Variants in IQCK observed in about 807,000 individuals in gnomAD.
IQCK encodes IQ domain-containing protein K.
Under a neutral mutation model 28.1 loss-of-function variants are expected in IQCK, and 29 were observed. That is an observed-to-expected ratio of 1.03 (90% CI 0.77 to 1.41). The LOEUF (loss-of-function observed/expected upper bound fraction) is 1.41, where lower values mean the gene tolerates loss of function less well. IQCK is among the 40% of genes most tolerant of loss of function. The pLI is 0.00. For synonymous variants in IQCK, 113 were observed against 115.1 expected, an observed-to-expected ratio of 0.98 and a Z score of 0.12; for missense variants, 359 against 314.7, an observed-to-expected ratio of 1.14 and a Z score of -1.07.
intron 4 of IQCK, among the ~76,000 whole-genome samples, chr16:19,759,315 T>G (rs2055100994): frequency 6.6e-6 from 1 of 152,274 alleles, no homozygotes; most frequent in Non-Finnish European, 1.5e-5. Flanking sequence ...TTCAAGCGAT[T>G]CTCCTCTCTC....
intron 9 of IQCK, among the ~76,000 whole-genome samples, chr16:19,847,648 G>A (rs531646139): frequency 6.6e-6 from 1 of 152,294 alleles, no homozygotes; most frequent in South Asian, 2.1e-4. Context: ...AACTTGTTGA[G>A]GGGTAGCACT....
At chr16:19,749,271 A>G (rs1421333605) in intron 4 of IQCK, among the ~76,000 whole-genome samples, 1 of 152,250 alleles carries the variant, frequency 6.6e-6, no homozygotes, top group Non-Finnish European at 1.5e-5. Context: ...AGGAAAGATC[A>G]TCTGTCAGTT....
chr16:19,828,526 C>T (rs2056182735), downstream of IQCK, among the ~76,000 whole-genome samples: 5 of 151,740 alleles, frequency 3.3e-5, no homozygotes, highest in Admixed American at 2.0e-4. Context: ...GCATGAGCCA[C>T]CGTGCCCAAC....
Position 19,779,649 on chromosome 16 carries a change from G to A in IQCK, c.606-9189G>A, listed in dbSNP as rs186530211. Among the ~76,000 whole-genome samples the A allele has an allele frequency of 3.2e-3, 483 of 151,244 alleles. 2 individuals carry two copies. Among genetic ancestry groups the A allele is most frequent in the African/African-American group, 0.011 (463 of 41,224 alleles). On this transcript the variant is annotated intron_variant, in intron 6 of 7. Transcript: ENST00000564186. ...TTTAGATCATCTCATTTCACCATTAGGATTTATCCTCGTTATTTTTTTAAA... is the reference window on the plus strand; with the variant it reads ...TTTAGATCATCTCATTTCACCATTAAGATTTATCCTCGTTATTTTTTTAAA...
rs774760191 is a variant in IQCK, at chr16:19,741,747, GA to G, written c.474+6298del. ...CATGCCTGTAATCCCACCACTTAGA[GA>G]GGCCGAGGCGGGAGGATTGCTTGAA... On this transcript the variant is annotated intron_variant, in intron 4 of 7. Coordinates refer to ENST00000564186, the Ensembl canonical transcript of IQCK. Among the ~76,000 whole-genome samples, 11 of 150,792 alleles carry G rather than the reference GA, an allele frequency of 7.3e-5. 1 individual carries two copies. The highest frequency in any genetic ancestry group is 4.4e-5 in the Non-Finnish European group (3 of 68,036).
intron 7 of IQCK, among the ~76,000 whole-genome samples, chr16:19,799,599 C>T (rs80123650): frequency 0.11 from 2,276 of 20,448 alleles, 86 homozygotes; most frequent in African/African-American, 0.16. Context: ...TATATATATA[C>T]ACACACACAC....
At chr16:19,854,984 A>G (rs2056537797) in intron 9 of IQCK, among the ~76,000 whole-genome samples, 1 of 152,220 alleles carries the variant, frequency 6.6e-6, no homozygotes. Context: ...CAAGTATTAA[A>G]AATATTTTTT....
intron 3 of IQCK, 94 bp from the exon 4 acceptor site, chr16:19,735,259 C>A: frequency 1.2e-6 from 1 of 821,666 alleles, no homozygotes; most frequent in Non-Finnish European, 2.1e-6. Context: ...ATTGAATGGA[C>A]AGTACCTTTT....
At chr16:19,740,359 C>T (rs2054816571) in intron 4 of IQCK, among the ~76,000 whole-genome samples, 1 of 152,036 alleles carries the variant, frequency 6.6e-6, no homozygotes, top group African/African-American at 2.4e-5. Flanking sequence ...TGGTAGGTAT[C>T]CCGTGGTGTT....
chr16:19,799,463 G>A (rs1298818943), intron 7 of IQCK, among the ~76,000 whole-genome samples: 1 of 86,350 alleles, frequency 1.2e-5, no homozygotes, highest in Non-Finnish European at 1.9e-5. Flanking sequence ...TAGAGACAGG[G>A]TTTCACCATG....
rs555275600 is a variant in IQCK at position 19,842,643 on chromosome 16, T to G, written c.803-13844T>G. On this transcript the variant is annotated intron_variant, in intron 9 of 9. Coordinates refer to the IQCK transcript ENST00000320394. ...CTTCCCTTGAAAATGGTTTGCTTCT[T>G]CCCTGACTTTCCCTTTGTGCCTTGT... 3.9e-5 allele frequency among the ~76,000 whole-genome samples: 6 copies of G among 152,332 alleles called. No individual in the cohort carries two copies. In the South Asian group the frequency reaches 8.3e-4, roughly 21 times the overall value.
chr16:19,833,775 A>T (rs978952553), intron 9 of IQCK, among the ~76,000 whole-genome samples: 5 of 152,148 alleles, frequency 3.3e-5, no homozygotes, highest in Admixed American at 6.5e-5. Context: ...TGAACACCTC[A>T]TCTTACCGCC....
chr16:19,845,326 G>A (rs917855551), intron 9 of IQCK, among the ~76,000 whole-genome samples: 10 of 152,254 alleles, frequency 6.6e-5, no homozygotes, highest in Non-Finnish European at 1.5e-4. Flanking sequence ...AATATACAGA[G>A]CTTCTGCCAG....
chr16:19,836,874 A>C (rs1415399780), intron 9 of IQCK, among the ~76,000 whole-genome samples: 3 of 152,080 alleles, frequency 2.0e-5, no homozygotes, highest in Admixed American at 6.6e-5. Flanking sequence ...TCATGACCAG[A>C]TTGGGCTAAG....
At chr16:19,718,429 C>T (rs1440567988) in exon 1 of IQCK, 2 of 1,607,580 alleles carry the variant, frequency 1.2e-6, no homozygotes, top group African/African-American at 1.3e-5. Flanking sequence ...AGCTGCCTGT[C>T]TCGTCGTGGC....
chr16:19,799,094 AT>A (rs1002522134), intron 7 of IQCK, among the ~76,000 whole-genome samples: 1 of 97,208 alleles, frequency 1.0e-5, no homozygotes. Context: ...TCCTTCTAGA[AT>A]TTTTTCTATT....
chr16:19,822,503 C>T (rs2056089034), intron 7 of IQCK, among the ~76,000 whole-genome samples: 1 of 151,872 alleles, frequency 6.6e-6, no homozygotes, highest in African/African-American at 2.4e-5. Flanking sequence ...ATACATGCTG[C>T]AATGTGGATA....
At chr16:19,724,822 G>C (rs910499731) in intron 1 of IQCK, among the ~76,000 whole-genome samples, 2 of 152,066 alleles carry the variant, frequency 1.3e-5, no homozygotes, top group Admixed American at 1.3e-4. Flanking sequence ...GCGATCCACC[G>C]TGCCCGGCCA....
intron 3 of IQCK, among the ~76,000 whole-genome samples, chr16:19,734,876 G>A (rs547820655): frequency 9.2e-5 from 14 of 152,008 alleles, no homozygotes; most frequent in Admixed American, 4.6e-4. Flanking sequence ...GATCTGAGTC[G>A]TAGTTCCTTG....
Sources: gnomAD v4.1 joint callset for allele counts (sites outside exome capture counted in the v4.1 genomes callset) on GRCh38, gnomAD v4.1.1 for gene constraint, MANE v1.5 for transcripts, NCBI Gene and HGNC (gene_info 2026-07-23, HGNC 2026-07-21) for gene names.